The following UMAD1 variants were observed in gnomAD, a reference collection of about 807,000 sequenced individuals.
UMAD1 encodes UBAP1-MVB12-associated (UMA) domain containing 1, also known as UBAP1-MVB12-associated (UMA)-domain containing protein 1.
UMAD1 carries 8 observed loss-of-function variants against 6.1 expected under a neutral mutation model. The ratio of observed to expected loss-of-function variants is 1.30; its 90% CI spans 0.76 to 2.35. The LOEUF (loss-of-function observed/expected upper bound fraction) is 2.35. Ranked by LOEUF, UMAD1 falls within the 30% of genes most tolerant of loss-of-function variation. The pLI, the probability that UMAD1 is intolerant of heterozygous loss-of-function variation, is 0.00. For missense variants in UMAD1, 130 were observed against 78.4 expected (o/e 1.66, Z -2.49); for synonymous variants, 56 against 31.4 (o/e 1.78, Z -2.61).
chr7:7,843,993 T>G (rs1452422485), intron 3 of UMAD1, among the ~76,000 whole-genome samples: 1 of 152,218 alleles, frequency 6.6e-6, no homozygotes, highest in Non-Finnish European at 1.5e-5. Context: ...AATTCTTGGT[T>G]TATGACAAAG....
chr7:7,821,040 C>T (rs918954126), intron 3 of UMAD1, among the ~76,000 whole-genome samples: 5 of 152,098 alleles, frequency 3.3e-5, no homozygotes, highest in African/African-American at 9.7e-5. Flanking sequence ...GATTCAATTC[C>T]TGTTTTTAGT....
rs71014711 is a variant in UMAD1 at position 7,767,128 on chromosome 7, C to CTTTTTTTTTTTTTTTT, written c.83-34528_83-34527insTTTTTTTTTTTTTTTT. 4.0e-3 allele frequency among the ~76,000 whole-genome samples: 521 copies of CTTTTTTTTTTTTTTTT among 129,632 alleles called. 23 individuals carry two copies. The highest frequency in any genetic ancestry group is 0.016 in the East Asian group (73 of 4,504). The allele number at this position is 129,632 out of a possible 152,430, so 85.0% of individuals were successfully genotyped here. On this transcript the variant is annotated intron_variant, in intron 2 of 3. Coordinates refer to ENST00000682710, the MANE Select transcript of UMAD1 (RefSeq NM_001302348.2). Reference sequence around the variant, plus strand: ...AGTGAGCATTTCAAGAAATTAAGCTCTTTTTTTTTTTTTTGAGACGGACTC... The same window carrying CTTTTTTTTTTTTTTTT: ...AGTGAGCATTTCAAGAAATTAAGCTCTTTTTTTTTTTTTTTTTTTTTTTTTTTTTTGAGACGGACTC...
rs1446947482 is a variant in UMAD1 at position 7,879,034 on chromosome 7, A to C, written c.*1496A>C. 1 of 152,186 alleles carries C rather than the reference A, an allele frequency of 6.6e-6. No individual in the cohort carries two copies. Among genetic ancestry groups the C allele is most frequent in the Non-Finnish European group, 1.5e-5 (1 of 68,012 alleles). The allele number at this position is 152,186 out of a possible 1,614,324, so 9.4% of individuals were successfully genotyped here. A position where few individuals can be genotyped will look rare whatever the true frequency, so the allele number is the denominator to read the frequency against. ...CTGTGTTAATGTACCCTTGAAATTA[A>C]ATGCAAGCACATAGTCAGTTTGTCT... On this transcript the variant is annotated 3_prime_UTR_variant, in exon 4 of 4. Transcript: ENST00000682710.
intron 2 of UMAD1, among the ~76,000 whole-genome samples, chr7:7,743,062 G>A (rs1781505429): frequency 6.6e-6 from 1 of 152,128 alleles, no homozygotes; most frequent in Non-Finnish European, 1.5e-5. Flanking sequence ...GAAGAAGGTG[G>A]TGTGTATTTA....
chr7:7,856,955 A>T (rs1395777602), intron 3 of UMAD1, among the ~76,000 whole-genome samples: 11 of 152,116 alleles, frequency 7.2e-5, no homozygotes, highest in South Asian at 2.1e-4. Context: ...AATTTAAAAA[A>T]TTTTTCAACT....
At chr7:7,674,920 CT>C (rs1431529443) in intron 2 of UMAD1, among the ~76,000 whole-genome samples, 1 of 152,108 alleles carries the variant, frequency 6.6e-6, no homozygotes, top group Non-Finnish European at 1.5e-5. Context: ...GTTTTCCACT[CT>C]GTTATATATT....
Position 7,771,901 on chromosome 7 carries a change from A to AT in UMAD1, c.83-29764dup, listed in dbSNP as rs1167117485. On this transcript the variant is annotated intron_variant, in intron 2 of 3. Coordinates refer to ENST00000682710, the MANE Select transcript of UMAD1 (RefSeq NM_001302348.2). The stretch of plus-strand genomic sequence containing the variant: ...CAATTTTATCCTATTCTTAACAACT[A>AT]TTTTTGTATATGTTTAAAAATGTGC... Among the ~76,000 whole-genome samples, 3 of 152,214 alleles carry AT rather than the reference A, an allele frequency of 2.0e-5. No homozygotes were observed. The East Asian group carries it at 5.8e-4, about 29-fold the overall frequency.
chr7:7,760,177 G>A (rs1326077832), intron 2 of UMAD1, among the ~76,000 whole-genome samples: 5 of 152,032 alleles, frequency 3.3e-5, no homozygotes, highest in African/African-American at 4.8e-5. Context: ...TCTGGTTGAC[G>A]TTCCCAGCTG....
chr7:7,654,818 C>T (rs564229090), intron 1 of UMAD1, among the ~76,000 whole-genome samples: 32 of 151,244 alleles, frequency 2.1e-4, no homozygotes, highest in Non-Finnish European at 3.7e-4. Context: ...GCAGGAGAAT[C>T]GCTTGAACCT....
At chr7:7,644,262 A>T (rs1203584795) in intron 1 of UMAD1, among the ~76,000 whole-genome samples, 1 of 149,336 alleles carries the variant, frequency 6.7e-6, no homozygotes, top group African/African-American at 2.5e-5. Flanking sequence ...TTTCTTACTG[A>T]CTTTTAAGAG....
At chr7:7,860,796 A>AAC (rs369160737) in intron 3 of UMAD1, among the ~76,000 whole-genome samples, 53 of 45,472 alleles carry the variant, frequency 1.2e-3, no homozygotes, top group African/African-American at 3.3e-3. Context: ...AAATAACAAA[A>AAC]AAAATAATAA....
intron 3 of UMAD1, among the ~76,000 whole-genome samples, chr7:7,811,680 G>C (rs553776147): frequency 4.6e-5 from 7 of 152,156 alleles, no homozygotes; most frequent in Non-Finnish European, 7.4e-5. Context: ...ATAATGCTTT[G>C]ATAGGGGAGA....
chr7:7,783,625 A>C (rs1174465594), intron 2 of UMAD1, among the ~76,000 whole-genome samples: 2 of 152,228 alleles, frequency 1.3e-5, no homozygotes, highest in Non-Finnish European at 2.9e-5. Flanking sequence ...CTTAAAAACG[A>C]ACTATTGGGA....
chr7:7,762,737 A>C (rs1781916155), intron 2 of UMAD1, among the ~76,000 whole-genome samples: 1 of 152,164 alleles, frequency 6.6e-6, no homozygotes, highest in Admixed American at 6.6e-5. Context: ...TCGAAGACTG[A>C]GTCACATATA....
At chr7:7,776,212 G>A (rs1782204317) in intron 2 of UMAD1, among the ~76,000 whole-genome samples, 1 of 152,160 alleles carries the variant, frequency 6.6e-6, no homozygotes, top group Admixed American at 6.5e-5. Flanking sequence ...TGTAGTTCCA[G>A]CTACTTGAGA....
intron 1 of UMAD1, among the ~76,000 whole-genome samples, chr7:7,659,785 G>C (rs1159879250): frequency 6.6e-6 from 1 of 152,182 alleles, no homozygotes; most frequent in African/African-American, 2.4e-5. Flanking sequence ...CTGTTAATTT[G>C]GGGTGGAGTG....
intron 2 of UMAD1, among the ~76,000 whole-genome samples, chr7:7,714,015 G>A (rs1423118975): frequency 1.3e-5 from 2 of 151,992 alleles, no homozygotes; most frequent in East Asian, 3.9e-4. Flanking sequence ...GTTTTTCATC[G>A]TCAATACTTC....
intron 2 of UMAD1, among the ~76,000 whole-genome samples, chr7:7,725,423 G>C (rs1028423793): frequency 6.6e-6 from 1 of 152,112 alleles, no homozygotes; most frequent in Admixed American, 6.5e-5. Context: ...ATGCTATTTG[G>C]AGCCTTTGGC....
At chr7:7,756,539 C>T (rs917938) in intron 2 of UMAD1, among the ~76,000 whole-genome samples, 2 of 152,096 alleles carry the variant, frequency 1.3e-5, no homozygotes, top group Non-Finnish European at 2.9e-5. Flanking sequence ...ACCAGCCGCC[C>T]CTTTCTGGTG....
Sources: allele counts gnomAD v4.1 joint callset (sites outside exome capture counted in the v4.1 genomes callset), GRCh38; gene constraint gnomAD v4.1.1; transcripts MANE v1.5; gene names NCBI Gene and HGNC (gene_info 2026-07-23, HGNC 2026-07-21).